Variants in COP1 observed in about 807,000 individuals in gnomAD.
The protein encoded by COP1 is E3 ubiquitin-protein ligase COP1.
Under a neutral mutation model 101.3 loss-of-function variants are expected in COP1, and 24 were observed. The ratio of observed to expected loss-of-function variants is 0.24; its 90% CI spans 0.17 to 0.33. The LOEUF (loss-of-function observed/expected upper bound fraction) is 0.33, where lower values mean the gene tolerates loss of function less well. Ranked by LOEUF, COP1 falls within the 10% of genes least tolerant of loss-of-function variation. The probability of loss-of-function intolerance (pLI) is 1.00; values close to 1 mark genes in which losing one functional copy is unlikely to be tolerated. For synonymous variants in COP1, 347 were observed against 341.9 expected (o/e 1.01, Z -0.17); for missense variants, 663 against 906.2 (o/e 0.73, Z 3.45).
At chr1:176,024,137 T>C (rs955226964) in intron 15 of COP1, among the ~76,000 whole-genome samples, 6 of 152,112 alleles carry the variant, frequency 3.9e-5, no homozygotes, top group African/African-American at 1.4e-4. Flanking sequence ...CTGGTGCCCG[T>C]AGTCCCAGCT....
intron 5 of COP1, among the ~76,000 whole-genome samples, chr1:176,155,404 A>C (rs902241927): frequency 2.0e-5 from 3 of 152,076 alleles, no homozygotes; most frequent in Non-Finnish European, 4.4e-5. Context: ...AGCAGAGGAA[A>C]GGAATAACAA....
chr1:176,046,437 T>C, intron 11 of COP1, 113 bp from the exon 12 acceptor site: 1 of 897,884 alleles, frequency 1.1e-6, no homozygotes, highest in South Asian at 1.6e-5. Context: ...CAAATTGTAC[T>C]AGACCTCATA....
At chr1:175,974,223 T>C (rs929187983) in intron 18 of COP1, among the ~76,000 whole-genome samples, 1 of 152,164 alleles carries the variant, frequency 6.6e-6, no homozygotes, top group Non-Finnish European at 1.5e-5. Flanking sequence ...ATGGATTCAA[T>C]ATATATTAAA....
chr1:176,030,769 AG>A (rs1668525299), intron 14 of COP1, among the ~76,000 whole-genome samples: 2 of 152,312 alleles, frequency 1.3e-5, no homozygotes, highest in East Asian at 3.9e-4. Context: ...TAAACAAAAC[AG>A]GTGTTAATTG....
intron 18 of COP1, among the ~76,000 whole-genome samples, chr1:175,976,497 C>CA (rs1294321743): frequency 6.6e-6 from 1 of 151,834 alleles, no homozygotes; most frequent in Non-Finnish European, 1.5e-5. Flanking sequence ...AGGCTGGTCT[C>CA]AAACTCCTGG....
At chr1:176,004,167 T>G (rs1412306447) in intron 15 of COP1, among the ~76,000 whole-genome samples, 1 of 151,492 alleles carries the variant, frequency 6.6e-6, no homozygotes, top group Non-Finnish European at 1.5e-5. Context: ...GTTGTTGGTG[T>G]GTAAGAATGC....
intron 1 of COP1, among the ~76,000 whole-genome samples, chr1:176,203,681 AAC>A (rs1002002914): frequency 6.6e-6 from 1 of 152,242 alleles, no homozygotes; most frequent in Admixed American, 6.5e-5. Context: ...CCATCAATAA[AAC>A]ACTGTTAAAA....
intron 15 of COP1, among the ~76,000 whole-genome samples, chr1:176,015,882 T>C (rs753652703): frequency 1.4e-4 from 22 of 152,270 alleles, no homozygotes; most frequent in Admixed American, 3.9e-4. Context: ...ATGTGAATGG[T>C]AGAAAAGGAG....
chr1:176,133,204 A>AGG (rs1572434480), intron 8 of COP1, among the ~76,000 whole-genome samples: 11 of 150,602 alleles, frequency 7.3e-5, no homozygotes, highest in East Asian at 3.9e-4. Context: ...ATATGTACGT[A>AGG]TGTACACACA....
chr1:176,143,292 T>A (rs1691038990), intron 6 of COP1, among the ~76,000 whole-genome samples: 1 of 151,978 alleles, frequency 6.6e-6, no homozygotes, highest in African/African-American at 2.4e-5. Context: ...TAGAAAAAAT[T>A]TAACAAATGA....
chr1:176,062,634 G>A (rs1558030904), intron 11 of COP1, among the ~76,000 whole-genome samples: 1 of 151,998 alleles, frequency 6.6e-6, no homozygotes, highest in Non-Finnish European at 1.5e-5. Context: ...CCAATTTCAG[G>A]TATTCACCCA....
intron 5 of COP1, among the ~76,000 whole-genome samples, chr1:176,157,686 G>C (rs1483459564): frequency 1.3e-5 from 2 of 152,142 alleles, no homozygotes; most frequent in Non-Finnish European, 2.9e-5. Flanking sequence ...TCAGGACAAA[G>C]TTCAGGAATA....
chr1:176,179,140 A>G (rs971250688), intron 2 of COP1, among the ~76,000 whole-genome samples: 4 of 152,022 alleles, frequency 2.6e-5, no homozygotes, highest in African/African-American at 9.7e-5. Context: ...AAAATACAAG[A>G]ATTAGCGGGC....
intron 1 of COP1, among the ~76,000 whole-genome samples, chr1:176,200,280 C>T (rs1238918700): frequency 6.6e-6 from 1 of 152,204 alleles, no homozygotes; most frequent in Admixed American, 6.5e-5. Context: ...GTCAGTACAA[C>T]ACATTCCATC....
chr1:175,973,502 A>G (rs1340513629), intron 18 of COP1, among the ~76,000 whole-genome samples: 2 of 152,230 alleles, frequency 1.3e-5, no homozygotes, highest in Non-Finnish European at 2.9e-5. Flanking sequence ...GCTAAATGTT[A>G]CACATTTTAA....
intron 15 of COP1, among the ~76,000 whole-genome samples, chr1:176,011,639 A>T (rs1418188150): frequency 6.6e-6 from 1 of 152,222 alleles, no homozygotes; most frequent in Admixed American, 6.5e-5. Context: ...TCAAAATAGT[A>T]ACTGTTTTAT....
At chr1:176,106,993 C>T (rs1341732012) in intron 9 of COP1, among the ~76,000 whole-genome samples, 1 of 152,062 alleles carries the variant, frequency 6.6e-6, no homozygotes, top group African/African-American at 2.4e-5. Context: ...TGCAACCTAG[C>T]AGTGGAAGGA....
At position 175,945,180 on chromosome 1, in the gene COP1, G is replaced by A. The variant is rs762620128; in HGVS notation, c.2179-10C>T. 5 of 1,554,238 alleles carry A rather than the reference G, an allele frequency of 3.2e-6. No homozygotes were observed. Among genetic ancestry groups the A allele is most frequent in the Non-Finnish European group, 2.6e-6 (3 of 1,136,540 alleles). On this transcript the variant is annotated splice_polypyrimidine_tract_variant and intron_variant, in intron 19 of 19. Transcript: ENST00000367669. ...ATACCAATTCTAGCACCTAATTGGG[G>A]GGAAAAAAGGATCCATTTAATAAAA...
chr1:176,099,784 T>A (rs948350070), intron 9 of COP1, among the ~76,000 whole-genome samples: 4 of 152,118 alleles, frequency 2.6e-5, no homozygotes, highest in African/African-American at 9.7e-5. Flanking sequence ...ACAGCTGCTG[T>A]AGAGGGTTCC....
Sources: gnomAD v4.1 joint callset for allele counts (sites outside exome capture counted in the v4.1 genomes callset) on GRCh38, gnomAD v4.1.1 for gene constraint, MANE v1.5 for transcripts, NCBI Gene and HGNC (gene_info 2026-07-23, HGNC 2026-07-21) for gene names.